LRRIQ3: variants seen among roughly 807,000 people sequenced by gnomAD.
LRRIQ3 encodes the protein leucine-rich repeat and IQ domain-containing protein 3.
A neutral mutation model predicts 59.3 loss-of-function variants in LRRIQ3; 75 were observed. That is an observed-to-expected ratio of 1.26 (90% confidence interval 1.05 to 1.53). The LOEUF (loss-of-function observed/expected upper bound fraction) is 1.53. Ranked by LOEUF, LRRIQ3 falls within the 40% of genes most tolerant of loss-of-function variation. The pLI, the probability that LRRIQ3 is intolerant of heterozygous loss-of-function variation, is 0.00. For synonymous variants in LRRIQ3, 250 were observed against 231.3 expected, an observed-to-expected ratio of 1.08 and a Z score of -0.73; for missense variants, 831 against 710.0, an observed-to-expected ratio of 1.17 and a Z score of -1.94.
rs778546001 is a variant in LRRIQ3, at chr1:74,074,739, C to T, written c.919G>A (p.Val307Met). 27 of 1,444,594 alleles carry T rather than the reference C, an allele frequency of 1.9e-5. No individual in the cohort carries two copies. Among genetic ancestry groups the T allele is most frequent in the Non-Finnish European group, 9.4e-7 (1 of 1,069,102 alleles). The allele number at this position is 1,444,594 out of a possible 1,614,324, so 89.5% of individuals were successfully genotyped here. A position where few individuals can be genotyped will look rare whatever the true frequency, so the allele number is the denominator to read the frequency against. Residue 307 changes from valine (V) to methionine (M), a missense_variant, in exon 6 of 8, where the codon GTG becomes ATG. Val to Met is a conservative substitution (Grantham distance 21). Coordinates refer to ENST00000354431, the MANE Select transcript of LRRIQ3 (RefSeq NM_001105659.2). ...TTTAATTCACATAAAATAGATGACA[C>T]ATGTTTTCTGTGTTCACTGGAATTT... ...LKNSSEHRKH[V>M]SSILCELKPK...
chr1:74,126,055 T>G (rs954558229), intron 4 of LRRIQ3, among the ~76,000 whole-genome samples: 8 of 151,902 alleles, frequency 5.3e-5, no homozygotes, highest in Non-Finnish European at 1.2e-4. Context: ...GTTTAGGTTT[T>G]GGATCGTTTC....
intron 4 of LRRIQ3, among the ~76,000 whole-genome samples, chr1:74,126,206 T>C (rs1646933945): frequency 6.6e-6 from 1 of 151,912 alleles, no homozygotes; most frequent in African/African-American, 2.4e-5. Flanking sequence ...ATGTCTCTAC[T>C]ATCATCTCTG....
intron 3 of LRRIQ3, among the ~76,000 whole-genome samples, chr1:74,156,366 C>A (rs752761102): frequency 6.6e-6 from 1 of 152,068 alleles, no homozygotes; most frequent in Admixed American, 6.6e-5. Flanking sequence ...TTATAAATTA[C>A]CCAGCCTCAG....
intron 4 of LRRIQ3, among the ~76,000 whole-genome samples, chr1:74,133,231 T>C (rs889607469): frequency 2.6e-5 from 4 of 152,126 alleles, no homozygotes; most frequent in African/African-American, 9.7e-5. Flanking sequence ...GGAGAGGATG[T>C]GGAGAAATAG....
rs1227837472 is a variant in LRRIQ3, at chr1:74,102,069, A to T, written c.867+7325T>A. 2.0e-5 allele frequency among the ~76,000 whole-genome samples: 3 copies of T among 151,966 alleles called. No homozygotes were observed. The East Asian group carries it at 5.8e-4, about 29-fold the overall frequency. The stretch of plus-strand genomic sequence containing the variant: ...AACTTAAAGTATAATTAAAAAAAAA[A>T]AAAGAAAATTCTCAAGTTTGTAAGA... On this transcript the variant is annotated intron_variant, in intron 5 of 7. Transcript: ENST00000354431.
intron 3 of LRRIQ3, among the ~76,000 whole-genome samples, chr1:74,165,798 A>C (rs1355058504): frequency 1.3e-5 from 2 of 151,564 alleles, no homozygotes; most frequent in East Asian, 3.9e-4. Context: ...AGATGTTGAA[A>C]TTTGTCAAAT....
chr1:74,028,312 T>C (rs1653582186), intron 7 of LRRIQ3, among the ~76,000 whole-genome samples: 1 of 152,226 alleles, frequency 6.6e-6, no homozygotes, highest in East Asian at 1.9e-4. Context: ...ATTGATGATG[T>C]GATTTTAGAC....
intron 5 of LRRIQ3, among the ~76,000 whole-genome samples, chr1:74,100,818 C>A (rs1278988201): frequency 6.6e-6 from 1 of 151,884 alleles, no homozygotes; most frequent in African/African-American, 2.4e-5. Flanking sequence ...AAAGGATTCC[C>A]TATTTAATAC....
At chr1:74,179,965 T>A (rs1236649581) in intron 3 of LRRIQ3, 2 of 151,936 alleles carry the variant, frequency 1.3e-5, no homozygotes, top group Admixed American at 1.3e-4. Context: ...AAATTATATA[T>A]TTGGTAAGTT....
chr1:74,072,747 A>C (rs2100473961), intron 6 of LRRIQ3, among the ~76,000 whole-genome samples: 1 of 152,192 alleles, frequency 6.6e-6, no homozygotes, highest in African/African-American at 2.4e-5. Flanking sequence ...TTGAAAAAAA[A>C]TTTAATCCAC....
intron 4 of LRRIQ3, among the ~76,000 whole-genome samples, chr1:74,139,836 G>A (rs1183064250): frequency 1.3e-5 from 2 of 151,874 alleles, no homozygotes; most frequent in Admixed American, 1.3e-4. Flanking sequence ...ATATGGTCAA[G>A]AAGAAGAGTA....
chr1:74,196,775 A>G (rs1292881481), intron 1 of LRRIQ3, among the ~76,000 whole-genome samples: 1 of 152,100 alleles, frequency 6.6e-6, no homozygotes, highest in African/African-American at 2.4e-5. Context: ...CACCATTCCC[A>G]CTGCTACCAT....
intron 6 of LRRIQ3, among the ~76,000 whole-genome samples, chr1:74,060,849 G>A (rs1654703455): frequency 6.6e-6 from 1 of 152,102 alleles, no homozygotes; most frequent in South Asian, 2.1e-4. Flanking sequence ...GGTTGAAGGG[G>A]CAGGAATCTG....
intron 3 of LRRIQ3, among the ~76,000 whole-genome samples, chr1:74,159,957 T>C (rs970546451): frequency 2.0e-5 from 3 of 152,058 alleles, no homozygotes; most frequent in Non-Finnish European, 4.4e-5. Flanking sequence ...AAATAGCCCT[T>C]CAATCTGTTC....
chr1:74,168,659 T>A (rs1476340044), intron 3 of LRRIQ3, among the ~76,000 whole-genome samples: 1 of 152,066 alleles, frequency 6.6e-6, no homozygotes, highest in African/African-American at 2.4e-5. Context: ...TCCTGTTTTT[T>A]TCTTTCATTG....
intron 4 of LRRIQ3, among the ~76,000 whole-genome samples, chr1:74,146,809 T>C (rs1375636267): frequency 6.6e-6 from 1 of 152,224 alleles, no homozygotes; most frequent in Non-Finnish European, 1.5e-5. Context: ...TTGAATAAAT[T>C]ATCTGATGAT....
chr1:74,088,444 AT>A (rs1419635144), intron 5 of LRRIQ3, among the ~76,000 whole-genome samples: 1 of 152,052 alleles, frequency 6.6e-6, no homozygotes, highest in Non-Finnish European at 1.5e-5. Context: ...AATAATATAA[AT>A]TATTCAATGC....
intron 1 of LRRIQ3, among the ~76,000 whole-genome samples, chr1:74,189,914 G>A (rs761723549): frequency 3.3e-5 from 5 of 151,996 alleles, no homozygotes; most frequent in African/African-American, 4.8e-5. Flanking sequence ...AATACAGTAA[G>A]CACTACAAAA....
At chr1:74,137,264 T>G (rs1647138896) in intron 4 of LRRIQ3, among the ~76,000 whole-genome samples, 1 of 151,818 alleles carries the variant, frequency 6.6e-6, no homozygotes, top group Admixed American at 6.6e-5. Flanking sequence ...CCAACATCTT[T>G]CTATATACTA....
Sources: allele counts gnomAD v4.1 joint callset (sites outside exome capture counted in the v4.1 genomes callset), GRCh38; gene constraint gnomAD v4.1.1; transcripts MANE v1.5; gene names NCBI Gene and HGNC (gene_info 2026-07-23, HGNC 2026-07-21).